Variants in CDH18 observed in about 807,000 individuals in gnomAD.
CDH18 encodes the protein cadherin 18.
CDH18 carries 31 observed loss-of-function variants against 67.9 expected under a neutral mutation model. The ratio of observed to expected loss-of-function variants is 0.46; its 90% CI spans 0.34 to 0.62. The LOEUF (loss-of-function observed/expected upper bound fraction) is 0.62. CDH18 is among the 20% of genes least tolerant of loss of function. The probability of loss-of-function intolerance (pLI) is 0.01; values close to 1 mark genes in which losing one functional copy is unlikely to be tolerated. For missense variants in CDH18, 890 were observed against 975.5 expected (o/e 0.91, Z 1.17); for synonymous variants, 362 against 347.2 (o/e 1.04, Z -0.48).
intron 8 of CDH18, among the ~76,000 whole-genome samples, chr5:19,560,305 T>C (rs1372460402): frequency 6.6e-6 from 1 of 151,878 alleles, no homozygotes; most frequent in Admixed American, 6.6e-5. Context: ...GGTACTGGTA[T>C]AAAAAATAGG....
At chr5:19,823,073 G>A (rs1054374629) in intron 3 of CDH18, among the ~76,000 whole-genome samples, 26 of 152,116 alleles carry the variant, frequency 1.7e-4, no homozygotes, top group African/African-American at 3.9e-4. Flanking sequence ...GCTCTGTTCC[G>A]CCTGGCTCAC....
At chr5:19,554,487 T>C (rs1030807445) in intron 8 of CDH18, among the ~76,000 whole-genome samples, 8 of 152,028 alleles carry the variant, frequency 5.3e-5, no homozygotes, top group Non-Finnish European at 1.2e-4. Context: ...GAGGAGGTGG[T>C]TGCAGTGAGC....
chr5:20,299,557 G>A (rs1434202738), intron 1 of CDH18, among the ~76,000 whole-genome samples: 1 of 151,808 alleles, frequency 6.6e-6, no homozygotes. Context: ...TCAGAAGTTC[G>A]AGACCGGCCT....
At position 19,657,068 on chromosome 5, in the gene CDH18, T is replaced by A. The variant is rs574118811; in HGVS notation, c.644-44467A>T. Among the ~76,000 whole-genome samples the A allele has an allele frequency of 7.2e-5, 11 of 152,254 alleles. No homozygotes were observed. The South Asian group carries it at 1.2e-3, about 17-fold the overall frequency. On this transcript the variant is annotated intron_variant, in intron 5 of 12. Transcript: ENST00000382275. Reference sequence around the variant, plus strand: ...AGGTCTTACAGGATATGTAACATATTAAAAATCAAGGTTAGGACAGTGCTA... The same window carrying A: ...AGGTCTTACAGGATATGTAACATATAAAAAATCAAGGTTAGGACAGTGCTA...
At chr5:20,140,898 G>C (rs995018267) in intron 2 of CDH18, among the ~76,000 whole-genome samples, 1 of 152,050 alleles carries the variant, frequency 6.6e-6, no homozygotes, top group African/African-American at 2.4e-5. Context: ...ACAACTGGAG[G>C]TATTTTCCAA....
intron 1 of CDH18, chr5:20,255,610 G>C (rs1401059908): frequency 6.6e-6 from 1 of 151,282 alleles, no homozygotes; most frequent in African/African-American, 2.4e-5. Flanking sequence ...GCTGAGTTTG[G>C]AGAGCAAATA....
intron 5 of CDH18, among the ~76,000 whole-genome samples, chr5:19,694,447 C>T (rs1762286539): frequency 6.6e-6 from 1 of 152,124 alleles, no homozygotes; most frequent in African/African-American, 2.4e-5. Flanking sequence ...TTCAGAGACT[C>T]CCTCTGCCAA....
At chr5:19,485,287 G>C (rs868739383) in intron 11 of CDH18, among the ~76,000 whole-genome samples, 2 of 146,222 alleles carry the variant, frequency 1.4e-5, no homozygotes, top group African/African-American at 5.1e-5. Flanking sequence ...ATGGCGTCTC[G>C]CTCTGTTGCC....
Position 20,155,850 on chromosome 5 carries a change from C to A in CDH18, c.-518+99594G>T, listed in dbSNP as rs545351558. ...TAGGGTGTCCTTTCACCAGTGAATA[C>A]TTTTGTTGATTTTGTCAAAGATCCG... On this transcript the variant is annotated intron_variant, in intron 2 of 14. Coordinates refer to the CDH18 transcript ENST00000507958. 1.3e-4 allele frequency among the ~76,000 whole-genome samples: 20 copies of A among 152,108 alleles called. No homozygotes were observed. In the South Asian group the frequency reaches 3.1e-3, roughly 24 times the overall value.
At chr5:19,574,692 C>T (rs1049898791) in intron 7 of CDH18, among the ~76,000 whole-genome samples, 2 of 151,976 alleles carry the variant, frequency 1.3e-5, no homozygotes, top group Non-Finnish European at 2.9e-5. Context: ...ATCTTCCACA[C>T]CTTTTAAATA....
chr5:20,165,657 T>G (rs532445814), intron 2 of CDH18, among the ~76,000 whole-genome samples: 1 of 152,092 alleles, frequency 6.6e-6, no homozygotes, highest in Admixed American at 6.6e-5. Context: ...TGCTCATCAC[T>G]CTCCCAATGA....
rs67438100 is a variant in CDH18, at chr5:20,437,147, G to GAA, written c.-580+138313_-580+138314dup. ...CACAGTCCAGTAATACATTGCTTAG[G>GAA]AAAAAAAAATGATACAATGTTAAAT... On this transcript the variant is annotated intron_variant, in intron 1 of 14. Coordinates refer to the CDH18 transcript ENST00000507958. Among the ~76,000 whole-genome samples the GAA allele has an allele frequency of 1.9e-4, 28 of 148,900 alleles. 1 individual carries two copies. The highest frequency in any genetic ancestry group is 1.5e-3 in the South Asian group (7 of 4,762).
intron 6 of CDH18, among the ~76,000 whole-genome samples, chr5:19,598,306 T>C (rs796559051): frequency 9.9e-5 from 15 of 152,272 alleles, no homozygotes; most frequent in African/African-American, 3.6e-4. Context: ...CATATAAACT[T>C]ATGGCTCCCA....
At chr5:19,883,886 A>G (rs1287676844) in intron 2 of CDH18, among the ~76,000 whole-genome samples, 1 of 152,120 alleles carries the variant, frequency 6.6e-6, no homozygotes, top group Non-Finnish European at 1.5e-5. Context: ...CTAATATATA[A>G]TATTAAACTA....
intron 2 of CDH18, among the ~76,000 whole-genome samples, chr5:20,044,297 G>C (rs1740715527): frequency 6.6e-6 from 1 of 152,120 alleles, no homozygotes; most frequent in Non-Finnish European, 1.5e-5. Flanking sequence ...AAATTCAAAA[G>C]AGGATTGGTA....
chr5:20,371,391 C>A (rs1742985168), intron 1 of CDH18, among the ~76,000 whole-genome samples: 1 of 152,098 alleles, frequency 6.6e-6, no homozygotes, highest in Admixed American at 6.5e-5. Flanking sequence ...GGAAATCAGA[C>A]AATCGGCAAT....
At chr5:19,582,635 G>T (rs985939889) in intron 7 of CDH18, among the ~76,000 whole-genome samples, 2 of 151,854 alleles carry the variant, frequency 1.3e-5, no homozygotes, top group African/African-American at 2.4e-5. Flanking sequence ...AGTTTTTTTT[G>T]ATAATGAAAT....
chr5:20,138,703 T>G (rs1749963926), intron 2 of CDH18, among the ~76,000 whole-genome samples: 1 of 152,048 alleles, frequency 6.6e-6, no homozygotes, highest in Admixed American at 6.6e-5. Context: ...ATGAGTGAAC[T>G]CCCATTCACA....
chr5:20,375,921 C>CA (rs1177920010), intron 1 of CDH18, among the ~76,000 whole-genome samples: 1 of 151,518 alleles, frequency 6.6e-6, no homozygotes, highest in Non-Finnish European at 1.5e-5. Flanking sequence ...ACTATATTCA[C>CA]AAAAAAGCTA....
Sources: allele counts gnomAD v4.1 joint callset (sites outside exome capture counted in the v4.1 genomes callset), GRCh38; gene constraint gnomAD v4.1.1; transcripts MANE v1.5; gene names NCBI Gene and HGNC (gene_info 2026-07-23, HGNC 2026-07-21).